FRZB: variants seen among roughly 807,000 people sequenced by gnomAD.
FRZB encodes the protein secreted frizzled-related protein 3.
In FRZB, 34 loss-of-function variants were observed where a neutral mutation model predicts 32.5. The ratio of observed to expected loss-of-function variants is 1.05; its 90% CI spans 0.80 to 1.39. The LOEUF (loss-of-function observed/expected upper bound fraction) is 1.39, where lower values mean the gene tolerates loss of function less well. FRZB is among the 40% of genes most tolerant of loss of function. The pLI is 0.00. For synonymous variants in FRZB, 170 were observed against 159.2 expected, an observed-to-expected ratio of 1.07 and a Z score of -0.51; for missense variants, 423 against 424.8, an observed-to-expected ratio of 1.00 and a Z score of 0.04.
chr2:182,847,035 A>G (rs922197452), intron 2 of FRZB, among the ~76,000 whole-genome samples: 1 of 152,190 alleles, frequency 6.6e-6, no homozygotes, highest in Non-Finnish European at 1.5e-5. Context: ...TTCTGCAAAT[A>G]TTGGGCATCT....
intron 3 of FRZB, among the ~76,000 whole-genome samples, chr2:182,839,099 C>T (rs1237676380): frequency 6.6e-6 from 1 of 152,094 alleles, no homozygotes; most frequent in Non-Finnish European, 1.5e-5. Context: ...CAGGTTTTCT[C>T]AAGTAGTGGG....
chr2:182,854,563 T>C (rs755774281), intron 2 of FRZB, among the ~76,000 whole-genome samples: 39 of 152,152 alleles, frequency 2.6e-4, no homozygotes, highest in Middle Eastern at 3.2e-3. Context: ...GTGGAAAGGA[T>C]CTCTAACATA....
rs539937559 is a variant in FRZB, at chr2:182,847,479, G to T, written c.527-4936C>A. 5.9e-5 allele frequency among the ~76,000 whole-genome samples: 9 copies of T among 152,334 alleles called. No individual in the cohort carries two copies. In the South Asian group the frequency reaches 1.7e-3, roughly 28 times the overall value. On this transcript the variant is annotated intron_variant, in intron 2 of 5. Transcript: ENST00000295113. The stretch of plus-strand genomic sequence containing the variant: ...CCCTCAGAGCTAAAATGAGTTCAGA[G>T]AGAAAAGGGTCCACTAAATTCAACT...
intron 2 of FRZB, among the ~76,000 whole-genome samples, chr2:182,852,323 G>A (rs528121579): frequency 6.6e-6 from 1 of 152,316 alleles, no homozygotes; most frequent in East Asian, 1.9e-4. Context: ...TGGCCACCAG[G>A]CAGCTACCCA....
chr2:182,839,908 G>T (rs1453996770), intron 3 of FRZB, among the ~76,000 whole-genome samples: 1 of 151,944 alleles, frequency 6.6e-6, no homozygotes, highest in Non-Finnish European at 1.5e-5. Flanking sequence ...AGAGATTTTG[G>T]ACTATAAAGG....
At chr2:182,841,329 A>G (rs1175239754) in intron 3 of FRZB, among the ~76,000 whole-genome samples, 1 of 152,184 alleles carries the variant, frequency 6.6e-6, no homozygotes, top group Non-Finnish European at 1.5e-5. Flanking sequence ...CTGCATTTTG[A>G]AAGATATTGA....
chr2:182,836,093 G>A (rs1048267563), intron 5 of FRZB, among the ~76,000 whole-genome samples: 2 of 152,018 alleles, frequency 1.3e-5, no homozygotes, highest in African/African-American at 4.8e-5. Flanking sequence ...CCACAATCTT[G>A]TCTTCATATT....
chr2:182,858,955 A>G, intron 1 of FRZB, 122 bp from the exon 2 acceptor site: 1 of 789,408 alleles, frequency 1.3e-6, no homozygotes, highest in Non-Finnish European at 2.1e-6. Context: ...AAGGAAGTAG[A>G]TTTTTATTAA....
At chr2:182,851,383 C>T (rs1208709844) in intron 2 of FRZB, among the ~76,000 whole-genome samples, 1 of 152,152 alleles carries the variant, frequency 6.6e-6, no homozygotes, top group Non-Finnish European at 1.5e-5. Flanking sequence ...GGGCTGGGCA[C>T]GGTGGCTCAC....
chr2:182,858,914 AGTTT>A, intron 1 of FRZB, 81 bp from the exon 2 acceptor site: 1 of 1,191,156 alleles, frequency 8.4e-7, no homozygotes, highest in Non-Finnish European at 1.2e-6. Flanking sequence ...CTCAGTCACA[AGTTT>A]GATTTGGGTA....
At chr2:182,842,169 T>C (rs1275997086) in intron 3 of FRZB, among the ~76,000 whole-genome samples, 1 of 152,138 alleles carries the variant, frequency 6.6e-6, no homozygotes, top group Non-Finnish European at 1.5e-5. Context: ...GCTCAAATCC[T>C]CCTTCAGCCT....
At chr2:182,847,966 AG>A (rs1695664232) in intron 2 of FRZB, among the ~76,000 whole-genome samples, 1 of 152,050 alleles carries the variant, frequency 6.6e-6, no homozygotes, top group South Asian at 2.1e-4. Context: ...GGTATCTTCA[AG>A]GGTATCAGTA....
chr2:182,845,376 T>C (rs1177025739), intron 2 of FRZB, among the ~76,000 whole-genome samples: 1 of 152,212 alleles, frequency 6.6e-6, no homozygotes, highest in East Asian at 1.9e-4. Context: ...CCATCATTTC[T>C]TGTTTAATTG....
In FRZB at chr2:182,857,969, C is replaced by T. The variant is rs1346386719; in HGVS notation, c.526+817G>A. Reference sequence around the variant, plus strand: ...ACCATGATGAGCTATTATCACATACCTATTAAAATGGCTAACAATAAAATA... The same window carrying T: ...ACCATGATGAGCTATTATCACATACTTATTAAAATGGCTAACAATAAAATA... On this transcript the variant is annotated intron_variant, in intron 2 of 5. Transcript: ENST00000295113. 2.6e-5 allele frequency among the ~76,000 whole-genome samples: 4 copies of T among 152,250 alleles called. No individual in the cohort carries two copies. The East Asian group carries it at 7.7e-4, about 29-fold the overall frequency.
intron 2 of FRZB, among the ~76,000 whole-genome samples, chr2:182,852,455 C>A (rs963899608): frequency 6.6e-6 from 1 of 152,108 alleles, no homozygotes; most frequent in African/African-American, 2.4e-5. Flanking sequence ...GAACTCAGAT[C>A]AATACAATCT....
Position 182,858,765 on chromosome 2 carries a change from G to T in FRZB, c.526+21C>A, listed in dbSNP as rs759901057. The T allele has an allele frequency of 4.4e-6, 7 of 1,580,082 alleles. No individual in the cohort carries two copies. In the South Asian group the frequency reaches 8.0e-5, roughly 18 times the overall value. Reference sequence around the variant, plus strand: ...CTAATCTGACCACAAATGAAAACCAGGAAGATAATGATATACTCACCACTG... The same window carrying T: ...CTAATCTGACCACAAATGAAAACCATGAAGATAATGATATACTCACCACTG... On this transcript the variant is annotated intron_variant, in intron 2 of 5. Transcript: ENST00000295113.
At chr2:182,861,421 C>T (rs1251898377) in intron 1 of FRZB, among the ~76,000 whole-genome samples, 1 of 152,196 alleles carries the variant, frequency 6.6e-6, no homozygotes, top group African/African-American at 2.4e-5. Flanking sequence ...GTGTTGGTTG[C>T]TTTTATTGTG....
Position 182,834,761 on chromosome 2 carries a change from T to C in FRZB, c.*88A>G. The C allele has an allele frequency of 1.2e-6, 1 of 852,548 alleles. No homozygotes were observed. Among genetic ancestry groups the C allele is most frequent in the South Asian group, 1.3e-5 (1 of 75,302 alleles). The allele number at this position is 852,548 out of a possible 1,614,324, so 52.8% of individuals were successfully genotyped here. On this transcript the variant is annotated 3_prime_UTR_variant, in exon 6 of 6. Coordinates refer to ENST00000295113, the MANE Select transcript of FRZB (RefSeq NM_001463.4). ...TTATAGTAAACAATAGAATATGATG[T>C]GCAATAGTGCAATTTTCCTTTGCTA...
chr2:182,863,906 C>T (rs55899538), intron 1 of FRZB, among the ~76,000 whole-genome samples: 78,239 of 151,856 alleles, frequency 0.52, 20,564 homozygotes, highest in Non-Finnish European at 0.57. Flanking sequence ...ATTTCCACCT[C>T]CCCCCACCTT....
Sources: allele counts gnomAD v4.1 joint callset (sites outside exome capture counted in the v4.1 genomes callset), GRCh38; gene constraint gnomAD v4.1.1; transcripts MANE v1.5; gene names NCBI Gene and HGNC (gene_info 2026-07-23, HGNC 2026-07-21).